PRKN: variants seen among roughly 807,000 people sequenced by gnomAD.
The protein encoded by PRKN is E3 ubiquitin-protein ligase parkin.
A neutral mutation model predicts 59.5 loss-of-function variants in PRKN; 56 were observed. The observed-to-expected ratio is 0.94, with a 90% CI of 0.76 to 1.18. The LOEUF (loss-of-function observed/expected upper bound fraction) is 1.18, where lower values mean the gene tolerates loss of function less well. Ranked by LOEUF, PRKN falls within the 50% of genes most tolerant of loss-of-function variation. The probability of loss-of-function intolerance (pLI) is 0.00; values close to 1 mark genes in which losing one functional copy is unlikely to be tolerated. For missense variants in PRKN, 657 were observed against 596.4 expected, an observed-to-expected ratio of 1.10 and a Z score of -1.06; for synonymous variants, 250 against 222.1, an observed-to-expected ratio of 1.13 and a Z score of -1.12.
rs117486888 is a variant in PRKN, at chr6:161,667,039, T to C, written c.872-97623A>G. ...ACAATGAATGAGCCTGTTAGGCCAG[T>C]GTCTGTCTTCTATGATTAACACAGC... On this transcript the variant is annotated intron_variant, in intron 7 of 11. Transcript: ENST00000366898. Among the ~76,000 whole-genome samples, 747 of 152,358 alleles carry C rather than the reference T, an allele frequency of 4.9e-3. 17 individuals are homozygous for C. In the East Asian group the frequency reaches 0.064, roughly 13 times the overall value.
intron 7 of PRKN, among the ~76,000 whole-genome samples, chr6:161,686,192 C>T (rs1334544674): frequency 6.6e-6 from 1 of 151,830 alleles, no homozygotes. Flanking sequence ...GAGTTCAGGT[C>T]ATTAGCATTT....
At chr6:161,599,240 C>G (rs1448399259) in intron 7 of PRKN, among the ~76,000 whole-genome samples, 1 of 152,080 alleles carries the variant, frequency 6.6e-6, no homozygotes, top group Non-Finnish European at 1.5e-5. Flanking sequence ...TTTTGGCAGC[C>G]CTAGGAAACT....
At chr6:162,295,274 A>C (rs776408180) in intron 2 of PRKN, among the ~76,000 whole-genome samples, 1 of 152,204 alleles carries the variant, frequency 6.6e-6, no homozygotes, top group Non-Finnish European at 1.5e-5. Flanking sequence ...GTGTCCACTT[A>C]GGGCCAAAAT....
chr6:162,241,982 C>G (rs1779007323), intron 3 of PRKN, among the ~76,000 whole-genome samples: 1 of 151,972 alleles, frequency 6.6e-6, no homozygotes, highest in Non-Finnish European at 1.5e-5. Flanking sequence ...ATATTTCAAA[C>G]TACTTTATTT....
chr6:162,616,191 C>A (rs1782404093), intron 1 of PRKN, among the ~76,000 whole-genome samples: 1 of 152,114 alleles, frequency 6.6e-6, no homozygotes, highest in African/African-American at 2.4e-5. Context: ...GGACACTACC[C>A]CTGACCCCAC....
In PRKN at chr6:161,448,735, C is replaced by T. The variant is rs1789601190; in HGVS notation, c.1084-61858G>A. Among the ~76,000 whole-genome samples, 1 of 152,214 alleles carries T rather than the reference C, an allele frequency of 6.6e-6. No homozygotes were observed. The highest frequency in any genetic ancestry group is 6.5e-5 in the Admixed American group (1 of 15,282). The stretch of plus-strand genomic sequence containing the variant: ...ACATCTCTGGCTGGAAAGGCACTCC[C>T]TGCAGATCTGGGAAGCCATGAGCCA... On this transcript the variant is annotated intron_variant, in intron 9 of 11. Coordinates refer to ENST00000366898, the MANE Select transcript of PRKN (RefSeq NM_004562.3). The surrounding 1 kb of genome is among the most constrained non-coding windows in gnomAD (Gnocchi z 5.1).
At chr6:162,488,893 A>T (rs796332813) in intron 1 of PRKN, among the ~76,000 whole-genome samples, 1 of 152,176 alleles carries the variant, frequency 6.6e-6, no homozygotes, top group Non-Finnish European at 1.5e-5. Flanking sequence ...ATAATCATGC[A>T]AACTGAAATT....
At chr6:161,799,759 G>A (rs1057453771) in intron 6 of PRKN, among the ~76,000 whole-genome samples, 2 of 152,248 alleles carry the variant, frequency 1.3e-5, no homozygotes, top group Admixed American at 1.3e-4. Flanking sequence ...GATAGTGCTG[G>A]TGCACTGCCC....
At chr6:162,675,091 G>C (rs192849495) in intron 1 of PRKN, among the ~76,000 whole-genome samples, 2 of 151,670 alleles carry the variant, frequency 1.3e-5, no homozygotes, top group African/African-American at 4.8e-5. Flanking sequence ...TCTGTTGCCC[G>C]GCTGGAGTGC....
chr6:162,327,103 G>T (rs1033868907), intron 2 of PRKN, among the ~76,000 whole-genome samples: 1 of 152,074 alleles, frequency 6.6e-6, no homozygotes, highest in Non-Finnish European at 1.5e-5. Flanking sequence ...CATCTAACAG[G>T]AAATACCGCC....
chr6:161,930,424 C>T (rs756189652), intron 6 of PRKN, among the ~76,000 whole-genome samples: 3 of 152,040 alleles, frequency 2.0e-5, no homozygotes, highest in Admixed American at 1.3e-4. Context: ...TGTCTGGGGA[C>T]GAAACAAGTC....
chr6:162,544,478 T>A (rs767504815), intron 1 of PRKN, among the ~76,000 whole-genome samples: 8 of 152,100 alleles, frequency 5.3e-5, no homozygotes, highest in Non-Finnish European at 8.8e-5. Context: ...AAAGCTTTAT[T>A]TGACGTTGCA....
intron 5 of PRKN, among the ~76,000 whole-genome samples, chr6:162,011,004 ATT>A (rs1380058225): frequency 5.8e-5 from 1 of 17,220 alleles, no homozygotes; most frequent in African/African-American, 4.7e-4. Context: ...AACATAATAT[ATT>A]TATAATATAT....
At chr6:161,528,982 G>A (rs1293751323) in intron 9 of PRKN, among the ~76,000 whole-genome samples, 2 of 152,168 alleles carry the variant, frequency 1.3e-5, no homozygotes, top group Non-Finnish European at 2.9e-5. Context: ...TAGAAGGCAG[G>A]AATCCTGCTT....
At chr6:161,594,325 T>C (rs1781836969) in intron 7 of PRKN, among the ~76,000 whole-genome samples, 3 of 152,236 alleles carry the variant, frequency 2.0e-5, no homozygotes, top group African/African-American at 7.2e-5. Context: ...CCCAGCTCTG[T>C]CTTATGAGAG....
intron 7 of PRKN, among the ~76,000 whole-genome samples, chr6:161,720,745 C>T (rs1161526239): frequency 3.4e-5 from 5 of 148,578 alleles, no homozygotes; most frequent in African/African-American, 1.0e-4. Flanking sequence ...TTAGTATATT[C>T]TCATAGGTAC....
chr6:162,201,938 A>T (rs1784749003), intron 3 of PRKN, among the ~76,000 whole-genome samples: 1 of 152,162 alleles, frequency 6.6e-6, no homozygotes, highest in Non-Finnish European at 1.5e-5. Flanking sequence ...TCAATCTCAG[A>T]TCATTTCTCT....
chr6:162,111,144 T>C (rs1324126749), intron 4 of PRKN, among the ~76,000 whole-genome samples: 12 of 151,960 alleles, frequency 7.9e-5, no homozygotes, highest in Admixed American at 7.2e-4. Flanking sequence ...ACAGGCATGG[T>C]GATGGAACAG....
At chr6:162,577,294 T>A (rs1780599878) in intron 1 of PRKN, among the ~76,000 whole-genome samples, 1 of 152,124 alleles carries the variant, frequency 6.6e-6, no homozygotes, top group South Asian at 2.1e-4. Flanking sequence ...GATAACAGTT[T>A]GAATTCTAAA....
Sources: gnomAD v4.1 joint callset for allele counts (sites outside exome capture counted in the v4.1 genomes callset) on GRCh38, gnomAD v4.1.1 for gene constraint, Gnocchi (gnomAD v3.1) non-coding constraint, MANE v1.5 for transcripts, NCBI Gene and HGNC (gene_info 2026-07-23, HGNC 2026-07-21) for gene names.